SF3B3: variants seen among roughly 807,000 people sequenced by gnomAD.
The protein encoded by SF3B3 is splicing factor 3b subunit 3.
In SF3B3, 33 loss-of-function variants were observed where a neutral mutation model predicts 139.2. The ratio of observed to expected loss-of-function variants is 0.24; its 90% CI spans 0.18 to 0.32. The LOEUF is 0.32. Among genes scored for constraint, SF3B3 ranks in the 10% least tolerant of loss-of-function variants. SF3B3 has a pLI of 1.00. For synonymous variants in SF3B3, 596 were observed against 563.6 expected (o/e 1.06, Z -0.81); for missense variants, 818 against 1,509.4 (o/e 0.54, Z 7.59).
Position 70,571,886 on chromosome 16 carries a change from CTTCT to C in SF3B3, c.*74_*77del. 2 of 1,530,456 alleles carry C rather than the reference CTTCT, an allele frequency of 1.3e-6. No individual in the cohort carries two copies. The highest frequency in any genetic ancestry group is 1.8e-6 in the Non-Finnish European group (2 of 1,133,840). The allele number at this position is 1,530,456 out of a possible 1,614,324, so 94.8% of individuals were successfully genotyped here. On this transcript the variant is annotated 3_prime_UTR_variant, in exon 26 of 26. Coordinates refer to ENST00000302516, the MANE Select transcript of SF3B3 (RefSeq NM_012426.5). ...CCCCACCACCATCACTGCCACCTGG[CTTCT>C]GCCATGTGGCAGGAGGGTGACTGGA...
Position 70,575,139 on chromosome 16 carries a change from G to A in SF3B3, c.*3326G>A, listed in dbSNP as rs1187772308. The stretch of plus-strand genomic sequence containing the variant: ...GCAGGTGTAGGCTACACACCAGTCT[G>A]AACCAGCACAACCAAGAGTTGTTTC... On this transcript the variant is annotated 3_prime_UTR_variant, in exon 26 of 26. Coordinates refer to ENST00000302516, the MANE Select transcript of SF3B3 (RefSeq NM_012426.5). 6.6e-6 allele frequency: 1 copy of A among 151,358 alleles called. No individual in the cohort carries two copies. Among genetic ancestry groups the A allele is most frequent in the African/African-American group, 2.4e-5 (1 of 41,164 alleles). The allele number at this position is 151,358 out of a possible 1,614,324, so 9.4% of individuals were successfully genotyped here.
chr16:70,554,983 A>G, intron 12 of SF3B3, 68 bp from the exon 13 acceptor site: 2 of 1,471,480 alleles, frequency 1.4e-6, no homozygotes, highest in South Asian at 2.5e-5. Context: ...GATCTGATAG[A>G]TGTGAGGGTC....
At position 70,571,994 on chromosome 16, in the gene SF3B3, T is replaced by G; in HGVS notation, c.*181T>G. The G allele has an allele frequency of 1.3e-6, 1 of 763,972 alleles. No homozygotes were observed. Among genetic ancestry groups the G allele is most frequent in the South Asian group, 1.6e-5 (1 of 62,722 alleles). 47.3% of individuals were successfully genotyped at this position (763,972 alleles called of 1,614,324 possible). ...TGGAATGACTGGCTTCCCCTCAAATTGGCACTGAGATTTGCTACACTTCTC... is the reference window on the plus strand; with the variant it reads ...TGGAATGACTGGCTTCCCCTCAAATGGGCACTGAGATTTGCTACACTTCTC... On this transcript the variant is annotated 3_prime_UTR_variant, in exon 26 of 26. Transcript: ENST00000302516.
chr16:70,535,751 T>G (rs987670037), intron 6 of SF3B3, among the ~76,000 whole-genome samples: 5 of 142,788 alleles, frequency 3.5e-5, no homozygotes, highest in South Asian at 2.2e-4. Context: ...TTCTATTTGG[T>G]TTTTTTTTTT....
At chr16:70,528,724 T>C in intron 2 of SF3B3, 149 bp from the exon 3 acceptor site, 1 of 606,438 alleles carries the variant, frequency 1.6e-6, no homozygotes, top group South Asian at 2.0e-5. Context: ...TTCAAGCGAT[T>C]CTCCTGCCTT....
intron 10 of SF3B3, among the ~76,000 whole-genome samples, chr16:70,545,445 G>C (rs1052128352): frequency 1.3e-4 from 20 of 152,122 alleles, no homozygotes; most frequent in Non-Finnish European, 1.5e-5. Flanking sequence ...ATCTTTTATT[G>C]CTGGACTTTT....
chr16:70,570,356 G>A (rs1397166434), intron 24 of SF3B3, among the ~76,000 whole-genome samples: 12 of 126,132 alleles, frequency 9.5e-5, no homozygotes, highest in African/African-American at 1.5e-4. Flanking sequence ...TTTTTGCGAC[G>A]GAGTCTCACT....
At position 70,532,365 on chromosome 16, in the gene SF3B3, A is replaced by AAAAAAAAAAAAAAAAAG. The variant is rs1159104206; in HGVS notation, c.571-112_571-111insAAAAAAAAAAAAAAGAA. On this transcript the variant is annotated intron_variant, in intron 4 of 25. Transcript: ENST00000302516. ...GTGAGAACCTGTCTCTCCAAAAAAA[A>AAAAAAAAAAAAAAAAAG]AAGAAGACATTTGTGGACTTCTGTT... 5 of 832,726 alleles carry AAAAAAAAAAAAAAAAAG rather than the reference A, an allele frequency of 6.0e-6. No individual in the cohort carries two copies. The African/African-American group carries it at 9.3e-5, about 16-fold the overall frequency. 51.6% of individuals were successfully genotyped at this position (832,726 alleles called of 1,614,324 possible). A position where few individuals can be genotyped will look rare whatever the true frequency, so the allele number is the denominator to read the frequency against.
chr16:70,571,266 T>A, intron 25 of SF3B3, 67 bp downstream of exon 25: 2 of 1,185,658 alleles, frequency 1.7e-6, no homozygotes, highest in Non-Finnish European at 2.5e-6. Flanking sequence ...AGTGGATTGA[T>A]GGGAATAGTA....
intron 9 of SF3B3, among the ~76,000 whole-genome samples, chr16:70,542,790 C>T (rs945580192): frequency 3.4e-5 from 5 of 148,998 alleles, no homozygotes; most frequent in Non-Finnish European, 7.4e-5. Flanking sequence ...GGCGTGATCT[C>T]GGCTCACTGC....
intron 4 of SF3B3, among the ~76,000 whole-genome samples, chr16:70,531,714 A>G (rs577141117): frequency 1.3e-5 from 2 of 152,398 alleles, no homozygotes; most frequent in East Asian, 1.9e-4. Context: ...CCCTATGGAA[A>G]CAAGATATTT....
intron 1 of SF3B3, among the ~76,000 whole-genome samples, chr16:70,526,064 G>A (rs2050060532): frequency 6.7e-6 from 1 of 150,138 alleles, no homozygotes; most frequent in Admixed American, 6.7e-5. Context: ...CATTGATCTT[G>A]CCACCCTGCT....
chr16:70,567,391 T>C lies in SF3B3; in HGVS notation c.2827-20T>C, dbSNP rs750889882. 1.2e-6 allele frequency: 2 copies of C among 1,605,946 alleles called. No individual in the cohort carries two copies. The highest frequency in any genetic ancestry group is 1.7e-5 in the Admixed American group (1 of 58,094). ...TGGCTGGCATTTATAATAGCTGTAT[T>C]ACCTGCTTTTCCTCTATAGACTCCT... On this transcript the variant is annotated intron_variant, in intron 20 of 25. Transcript: ENST00000302516.
Position 70,529,383 on chromosome 16 carries a change from A to C in SF3B3, c.397+184A>C, listed in dbSNP as rs905616327. On this transcript the variant is annotated intron_variant, in intron 3 of 25. Transcript: ENST00000302516. ...ATTTTCTTTTAAAACAATGGGAAAA[A>C]TCTTAACACACCTTTCTACTTCCCA... is the stretch of plus-strand genomic sequence containing the variant. The C allele has an allele frequency of 1.4e-5, 8 of 590,736 alleles. No homozygotes were observed. In the African/African-American group the frequency reaches 1.5e-4, roughly 11 times the overall value. The allele number at this position is 590,736 out of a possible 1,614,324, so 36.6% of individuals were successfully genotyped here.
intron 6 of SF3B3, among the ~76,000 whole-genome samples, chr16:70,535,764 C>A (rs1485013251): frequency 7.0e-6 from 1 of 142,472 alleles, no homozygotes. Flanking sequence ...TTTTTTTTTT[C>A]CAACATTTTT....
intron 23 of SF3B3, 86 bp from the exon 24 acceptor site, chr16:70,569,920 G>A: frequency 1.4e-6 from 2 of 1,443,896 alleles, no homozygotes; most frequent in Non-Finnish European, 1.9e-6. Context: ...ATGATGAAAT[G>A]TGCCTTAGGG....
chr16:70,549,503 G>C (rs2050301052), intron 11 of SF3B3, among the ~76,000 whole-genome samples: 1 of 152,178 alleles, frequency 6.6e-6, no homozygotes, highest in Non-Finnish European at 1.5e-5. Flanking sequence ...ACTTTGGCTT[G>C]GTGGCTTGTT....
chr16:70,543,848 G>GT (rs570312981), intron 9 of SF3B3, among the ~76,000 whole-genome samples: 5,687 of 122,090 alleles, frequency 0.047, 296 homozygotes, highest in African/African-American at 0.13. Context: ...GTTTTTTTGT[G>GT]TTTTTTTTTT....
chr16:70,526,943 AG>A, intron 2 of SF3B3: 1 of 588,494 alleles, frequency 1.7e-6, no homozygotes, highest in Non-Finnish European at 3.0e-6. Flanking sequence ...GATTCTTGTC[AG>A]GGCACACTTT....
Sources: gnomAD v4.1 joint callset for allele counts (sites outside exome capture counted in the v4.1 genomes callset) on GRCh38, gnomAD v4.1.1 for gene constraint, MANE v1.5 for transcripts, NCBI Gene and HGNC (gene_info 2026-07-23, HGNC 2026-07-21) for gene names.